PRKCA: variants seen among roughly 807,000 people sequenced by gnomAD.
PRKCA encodes the protein protein kinase C alpha type.
Under a neutral mutation model 87.0 loss-of-function variants are expected in PRKCA, and 27 were observed. The ratio of observed to expected loss-of-function variants is 0.31; its 90% CI spans 0.23 to 0.43. The LOEUF is 0.43. Among genes scored for constraint, PRKCA ranks in the 20% least tolerant of loss-of-function variants. The pLI is 1.00. For synonymous variants in PRKCA, 329 were observed against 311.1 expected (o/e 1.06, Z -0.61); for missense variants, 518 against 852.3 (o/e 0.61, Z 4.88).
At chr17:66,348,672 C>G (rs995084482) in intron 2 of PRKCA, among the ~76,000 whole-genome samples, 17 of 152,164 alleles carry the variant, frequency 1.1e-4, no homozygotes, top group African/African-American at 3.9e-4. Flanking sequence ...GTCAACACCA[C>G]TATCTCATTT....
intron 1 of PRKCA, among the ~76,000 whole-genome samples, chr17:66,305,821 G>T (rs1416657045): frequency 1.3e-5 from 2 of 152,084 alleles, no homozygotes; most frequent in Non-Finnish European, 2.9e-5. Flanking sequence ...TTCTTGTCTT[G>T]AAATTTTAGT....
intron 8 of PRKCA, among the ~76,000 whole-genome samples, chr17:66,717,352 A>T (rs928711261): frequency 1.2e-4 from 18 of 152,340 alleles, no homozygotes; most frequent in Admixed American, 9.8e-4. Flanking sequence ...AAAGCCACAA[A>T]TATTTACTAT....
chr17:66,537,092 G>A (rs1381190809), intron 3 of PRKCA, among the ~76,000 whole-genome samples: 1 of 152,148 alleles, frequency 6.6e-6, no homozygotes, highest in African/African-American at 2.4e-5. Context: ...CTGTGCTCCT[G>A]AAGCTGTTTT....
chr17:66,381,528 A>G (rs1276676679), intron 2 of PRKCA, among the ~76,000 whole-genome samples: 1 of 152,150 alleles, frequency 6.6e-6, no homozygotes, highest in Non-Finnish European at 1.5e-5. Flanking sequence ...TGAGAGGAGG[A>G]GAAGGATTGG....
At chr17:66,785,599 C>T (rs1018884685) in intron 14 of PRKCA, among the ~76,000 whole-genome samples, 3 of 152,120 alleles carry the variant, frequency 2.0e-5, no homozygotes, top group Admixed American at 6.5e-5. Context: ...CCAGAGTGAC[C>T]GGGAAGTGAT....
chr17:66,583,788 G>A (rs1233400171), intron 3 of PRKCA, among the ~76,000 whole-genome samples: 3 of 152,142 alleles, frequency 2.0e-5, no homozygotes. Context: ...TAAAAGGAAA[G>A]GGGGAAAAAG....
chr17:66,533,612 A>G (rs2143058746), intron 3 of PRKCA, among the ~76,000 whole-genome samples: 1 of 152,096 alleles, frequency 6.6e-6, no homozygotes, highest in Non-Finnish European at 1.5e-5. Context: ...TTGCCCATTC[A>G]TTTTTCCCAT....
chr17:66,442,408 C>T (rs1031532201), intron 2 of PRKCA, among the ~76,000 whole-genome samples: 2 of 151,988 alleles, frequency 1.3e-5, no homozygotes, highest in African/African-American at 4.8e-5. Flanking sequence ...CTCCCTGTAC[C>T]CATTCCTGGC....
chr17:66,641,473 A>T lies in PRKCA; in HGVS notation c.400+7A>T. On this transcript the variant is annotated splice_region_variant and intron_variant, in intron 4 of 16. Coordinates refer to ENST00000413366, the MANE Select transcript of PRKCA (RefSeq NM_002737.3). The stretch of plus-strand genomic sequence containing the variant: ...CAAGGGATGAAATGTGACAGTAAGT[A>T]AGTTTTCTTTTCCAGTTCATAGCGA... 2.5e-6 allele frequency: 4 copies of T among 1,598,042 alleles called. No individual in the cohort carries two copies. The highest frequency in any genetic ancestry group is 2.6e-6 in the Non-Finnish European group (3 of 1,168,086).
At chr17:66,697,019 T>A (rs912880861) in intron 8 of PRKCA, among the ~76,000 whole-genome samples, 3 of 152,120 alleles carry the variant, frequency 2.0e-5, no homozygotes, top group Non-Finnish European at 4.4e-5. Flanking sequence ...CCCTCATAAT[T>A]AATCTGATTT....
chr17:66,665,636 G>T (rs138540711), intron 5 of PRKCA, among the ~76,000 whole-genome samples: 2 of 152,106 alleles, frequency 1.3e-5, no homozygotes, highest in African/African-American at 2.4e-5. Context: ...CCCACCCCAG[G>T]CTTCCTGAAT....
chr17:66,557,565 C>T (rs1968538014), intron 3 of PRKCA, among the ~76,000 whole-genome samples: 1 of 152,052 alleles, frequency 6.6e-6, no homozygotes, highest in South Asian at 2.1e-4. Flanking sequence ...GGTGCAACTG[C>T]TCTCTCATGT....
chr17:66,577,268 C>T (rs1453647023), intron 3 of PRKCA, among the ~76,000 whole-genome samples: 1 of 152,134 alleles, frequency 6.6e-6, no homozygotes, highest in Non-Finnish European at 1.5e-5. Context: ...CCTGGTCTTC[C>T]GTGAGAGTCC....
At chr17:66,800,155 G>C (rs963370116) in intron 16 of PRKCA, among the ~76,000 whole-genome samples, 1 of 152,206 alleles carries the variant, frequency 6.6e-6, no homozygotes, top group Non-Finnish European at 1.5e-5. Flanking sequence ...TCTCTCCACC[G>C]AAGTGAACCA....
intron 13 of PRKCA, among the ~76,000 whole-genome samples, chr17:66,754,244 A>T (rs1479440100): frequency 6.6e-6 from 1 of 151,876 alleles, no homozygotes; most frequent in African/African-American, 2.4e-5. Context: ...GTATGTATTC[A>T]TACAATCAAC....
At chr17:66,508,125 A>AC (rs999186499) in intron 3 of PRKCA, among the ~76,000 whole-genome samples, 4 of 151,640 alleles carry the variant, frequency 2.6e-5, no homozygotes, top group South Asian at 2.1e-4. Flanking sequence ...AGTGGGGAGC[A>AC]CCCCCCCTCA....
intron 14 of PRKCA, among the ~76,000 whole-genome samples, chr17:66,785,798 A>G (rs1975369559): frequency 2.0e-5 from 3 of 152,222 alleles, no homozygotes; most frequent in Admixed American, 2.0e-4. Context: ...CTTTACTCCC[A>G]GAAACCCCAT....
intron 2 of PRKCA, among the ~76,000 whole-genome samples, chr17:66,388,953 CAT>C (rs1462955349): frequency 6.6e-6 from 1 of 152,052 alleles, no homozygotes; most frequent in African/African-American, 2.4e-5. Flanking sequence ...GAAAGAAACA[CAT>C]AGAGATGTGG....
intron 2 of PRKCA, among the ~76,000 whole-genome samples, chr17:66,452,544 T>C (rs1271896126): frequency 1.3e-5 from 2 of 152,208 alleles, no homozygotes; most frequent in Admixed American, 6.5e-5. Context: ...TCGAGGAGTG[T>C]TTTTGTTGCC....
Sources: allele counts gnomAD v4.1 joint callset (sites outside exome capture counted in the v4.1 genomes callset), GRCh38; gene constraint gnomAD v4.1.1; transcripts MANE v1.5; gene names NCBI Gene and HGNC (gene_info 2026-07-23, HGNC 2026-07-21).